Variants in COL22A1 observed in about 807,000 individuals in gnomAD.
COL22A1 encodes collagen type XXII alpha 1 chain.
Under a neutral mutation model 248.9 loss-of-function variants are expected in COL22A1, and 221 were observed. The ratio of observed to expected loss-of-function variants is 0.89; its 90% confidence interval spans 0.80 to 0.99. The LOEUF (loss-of-function observed/expected upper bound fraction) is 0.99, where lower values mean the gene tolerates loss of function less well. COL22A1 is among the 50% of genes least tolerant of loss of function. The pLI is 0.00. For missense variants in COL22A1, 2,240 were observed against 2,179.0 expected (o/e 1.03, Z -0.56); for synonymous variants, 891 against 793.4 (o/e 1.12, Z -2.07).
intron 42 of COL22A1, among the ~76,000 whole-genome samples, chr8:138,663,285 T>A (rs1252293757): frequency 4.6e-5 from 7 of 152,322 alleles, no homozygotes; most frequent in Admixed American, 4.6e-4. Context: ...CCACCAGGTC[T>A]CCACAGTGGC....
intron 47 of COL22A1, among the ~76,000 whole-genome samples, chr8:138,640,933 C>T (rs997378979): frequency 2.0e-5 from 3 of 152,188 alleles, no homozygotes; most frequent in Non-Finnish European, 2.9e-5. Context: ...GCTTCCAAAG[C>T]CCAGGCCTGT....
intron 30 of COL22A1, among the ~76,000 whole-genome samples, chr8:138,705,206 C>G (rs1206170731): frequency 6.6e-6 from 1 of 152,188 alleles, no homozygotes; most frequent in East Asian, 1.9e-4. Flanking sequence ...GGAAAACACT[C>G]TTCAGGATAT....
chr8:138,878,115 T>G lies in COL22A1; in HGVS notation c.293A>C (p.Gln98Pro). ...CCGGGCAGCCGCCTTGACCTCCTCC[T>G]GCGAGCCAAAGAGTCCCAACTCGAA... is the stretch of plus-strand genomic sequence containing the variant. ...TAFELGLFGS[Q>P]EEVKAAARRL... Residue 98 changes from glutamine (Q) to proline (P), a missense_variant, in exon 3 of 65, where the codon CAG becomes CCG. Coordinates refer to ENST00000303045, the MANE Select transcript of COL22A1 (RefSeq NM_152888.3). 1 of 1,604,234 alleles carries G rather than the reference T, an allele frequency of 6.2e-7. No homozygotes were observed. The highest frequency in any genetic ancestry group is 1.7e-4 in the Middle Eastern group (1 of 6,050).
chr8:138,714,608 C>T (rs1003349585), intron 30 of COL22A1, among the ~76,000 whole-genome samples: 1 of 152,168 alleles, frequency 6.6e-6, no homozygotes. Flanking sequence ...CACATCCCAT[C>T]GGCTTCCCTA....
intron 47 of COL22A1, among the ~76,000 whole-genome samples, chr8:138,643,668 A>AGATAGATAGATAGATAGACAGATAGATT (rs1564135015): frequency 7.9e-5 from 12 of 152,088 alleles, no homozygotes; most frequent in Non-Finnish European, 1.2e-4. Context: ...ATAGATAGAC[A>AGATAGATAGATAGATAGACAGATAGATT]GATAGATTGC....
intron 52 of COL22A1, among the ~76,000 whole-genome samples, chr8:138,621,350 GAGTTACCAGTTGCCAGCCTGC>G (rs1263348177): frequency 4.6e-5 from 7 of 152,138 alleles, no homozygotes; most frequent in African/African-American, 7.2e-5. Context: ...CCCCAGCCTG[GAGTTACCAGTTGCCAGCCTGC>G]AGTTACCAGT....
intron 28 of COL22A1, among the ~76,000 whole-genome samples, chr8:138,716,615 G>C (rs1340103196): frequency 6.6e-6 from 1 of 152,020 alleles, no homozygotes; most frequent in East Asian, 1.9e-4. Flanking sequence ...CCAAGTCTGG[G>C]AAGCCCTCTC....
intron 14 of COL22A1, among the ~76,000 whole-genome samples, 153 bp from the exon 15 acceptor site, chr8:138,778,559 C>G (rs935546299): frequency 2.0e-5 from 3 of 152,238 alleles, no homozygotes; most frequent in African/African-American, 7.2e-5. Context: ...GTCTCGCCAG[C>G]AGACACTCCC....
At chr8:138,851,395 C>A (rs542915569) in intron 3 of COL22A1, among the ~76,000 whole-genome samples, 3 of 152,326 alleles carry the variant, frequency 2.0e-5, no homozygotes, top group African/African-American at 7.2e-5. Flanking sequence ...CCATGGAGAG[C>A]CTCGTGGCCC....
At chr8:138,794,078 T>C (rs1816288055) in intron 12 of COL22A1, among the ~76,000 whole-genome samples, 1 of 152,140 alleles carries the variant, frequency 6.6e-6, no homozygotes, top group South Asian at 2.1e-4. Flanking sequence ...GAACCGAGCA[T>C]GCAAGCAACA....
intron 47 of COL22A1, among the ~76,000 whole-genome samples, chr8:138,637,948 T>C (rs893455328): frequency 1.3e-5 from 2 of 151,352 alleles, no homozygotes; most frequent in Non-Finnish European, 2.9e-5. Context: ...CATCACTGTT[T>C]CCATCACCGT....
chr8:138,852,393 G>A (rs77278445), intron 3 of COL22A1, among the ~76,000 whole-genome samples: 6,226 of 152,256 alleles, frequency 0.041, 129 homozygotes, highest in African/African-American at 0.049. Flanking sequence ...TAGATTAGAT[G>A]TGGAGTGTCT....
In COL22A1 at chr8:138,597,514, G is replaced by A. The variant is rs149049590; in HGVS notation, c.4366-544C>T. Among the ~76,000 whole-genome samples, 3 of 152,282 alleles carry A rather than the reference G, an allele frequency of 2.0e-5. No homozygotes were observed. In the East Asian group the frequency reaches 5.8e-4, roughly 29 times the overall value. On this transcript the variant is annotated intron_variant, in intron 61 of 64. Coordinates refer to ENST00000303045, the MANE Select transcript of COL22A1 (RefSeq NM_152888.3). ...AAGTCCTGGTGCTTGGTCCACAGAA[G>A]CTGATGAGTTTGACAACCAGAGGAG...
rs369478392 is a variant in COL22A1, at chr8:138,755,467, G to A, written c.1977+15C>T. On this transcript the variant is annotated intron_variant, in intron 20 of 64. Coordinates refer to ENST00000303045, the MANE Select transcript of COL22A1 (RefSeq NM_152888.3). ...ACCTAAATCCCCATGAGAAGAAGAC[G>A]CGTGTGCCTCTTACCTGTTCCCCTT... 33 of 1,612,210 alleles carry A rather than the reference G, an allele frequency of 2.0e-5. No individual in the cohort carries two copies. Among genetic ancestry groups the A allele is most frequent in the African/African-American group, 1.1e-4 (8 of 74,968 alleles).
At chr8:138,706,283 A>G (rs879795428) in intron 30 of COL22A1, among the ~76,000 whole-genome samples, 1 of 152,186 alleles carries the variant, frequency 6.6e-6, no homozygotes, top group Non-Finnish European at 1.5e-5. Flanking sequence ...TGCACCAAGC[A>G]GACCTAATAG....
intron 7 of COL22A1, among the ~76,000 whole-genome samples, chr8:138,820,577 T>C (rs1819032538): frequency 6.6e-6 from 1 of 152,224 alleles, no homozygotes; most frequent in African/African-American, 2.4e-5. Context: ...TTGTTATCCC[T>C]AGTTGGTGCA....
intron 16 of COL22A1, 27 bp downstream of exon 16, chr8:138,775,939 T>A: frequency 6.2e-7 from 1 of 1,610,864 alleles, no homozygotes; most frequent in Non-Finnish European, 8.5e-7. Context: ...AAAGCCGTAT[T>A]GATGAATGAG....
intron 61 of COL22A1, among the ~76,000 whole-genome samples, chr8:138,597,411 G>A (rs1261483704): frequency 6.6e-6 from 1 of 152,154 alleles, no homozygotes; most frequent in Non-Finnish European, 1.5e-5. Context: ...TCCCCTGCCT[G>A]GCTACTTGGC....
chr8:138,639,290 A>C (rs1273488274), intron 47 of COL22A1, among the ~76,000 whole-genome samples: 1 of 152,162 alleles, frequency 6.6e-6, no homozygotes, highest in African/African-American at 2.4e-5. Flanking sequence ...TTGTCTGATG[A>C]TCAAATATCC....
Sources: gnomAD v4.1 joint callset for allele counts (sites outside exome capture counted in the v4.1 genomes callset) on GRCh38, gnomAD v4.1.1 for gene constraint, MANE v1.5 for transcripts, NCBI Gene and HGNC (gene_info 2026-07-23, HGNC 2026-07-21) for gene names.